The following USPL1 variants were observed in gnomAD, a reference collection of about 807,000 sequenced individuals.
USPL1 encodes the protein ubiquitin specific peptidase like 1.
In USPL1, 27 loss-of-function variants were observed where a neutral mutation model predicts 51.5. The observed-to-expected ratio is 0.52, with a 90% confidence interval of 0.39 to 0.72. The LOEUF (loss-of-function observed/expected upper bound fraction) is 0.72. Ranked by LOEUF, USPL1 falls within the 30% of genes least tolerant of loss-of-function variation. USPL1 has a pLI of 0.00. For synonymous variants in USPL1, 451 were observed against 459.6 expected (o/e 0.98, Z 0.24); for missense variants, 1,226 against 1,268.0 (o/e 0.97, Z 0.50).
chr13:30,656,848 T>A (rs879194626), intron 8 of USPL1, among the ~76,000 whole-genome samples: 7 of 152,086 alleles, frequency 4.6e-5, no homozygotes, highest in Admixed American at 1.3e-4. Flanking sequence ...TATTTTTTTT[T>A]AATAATATCC....
At chr13:30,649,312 T>C (rs900971945) in intron 7 of USPL1, among the ~76,000 whole-genome samples, 2 of 152,248 alleles carry the variant, frequency 1.3e-5, no homozygotes, top group Non-Finnish European at 2.9e-5. Context: ...TTTGTATAAC[T>C]TGATTTGTTT....
At chr13:30,656,234 A>T (rs1951161970) in intron 8 of USPL1, among the ~76,000 whole-genome samples, 1 of 152,244 alleles carries the variant, frequency 6.6e-6, no homozygotes, top group Admixed American at 6.5e-5. Flanking sequence ...TATAAATAAC[A>T]TAAAATTTAC....
Position 30,658,584 on chromosome 13 carries a change from A to G in USPL1, c.2507A>G (p.Asn836Ser), listed in dbSNP as rs1951205065. Residue 836 changes from asparagine to serine, a missense_variant, in exon 9 of 9, where the codon AAT becomes AGT. Coordinates refer to ENST00000255304, the MANE Select transcript of USPL1 (RefSeq NM_005800.5). ...CCACCAGCAGGCCCTCCATCGTCTA[A>G]TGGCACAGCTGCCCACCCACATGCT... ...SKPPAGPPSS[N>S]GTAAHPHAHA... is the part of the protein sequence containing the mutation. 6.2e-7 allele frequency: 1 copy of G among 1,614,206 alleles called. No homozygotes were observed.
chr13:30,640,089 G>T (rs4769043), intron 5 of USPL1, among the ~76,000 whole-genome samples: 62,621 of 152,002 alleles, frequency 0.41, 13,316 homozygotes, highest in Middle Eastern at 0.64. Context: ...TATTTTAGCT[G>T]AAGATCTTAC....
At chr13:30,641,965 G>A (rs1269841594) in intron 5 of USPL1, among the ~76,000 whole-genome samples, 5 of 151,500 alleles carry the variant, frequency 3.3e-5, no homozygotes, top group African/African-American at 1.2e-4. Context: ...GGTATGCAGC[G>A]GCATGATCAT....
At chr13:30,623,610 C>T (rs189848928) in intron 3 of USPL1, among the ~76,000 whole-genome samples, 1 of 150,668 alleles carries the variant, frequency 6.6e-6, no homozygotes, top group Admixed American at 6.6e-5. Flanking sequence ...TCAGAATGAG[C>T]CTGTTTGCTA....
intron 3 of USPL1, 82 bp downstream of exon 3, chr13:30,621,974 CAT>C: frequency 3.7e-6 from 4 of 1,093,052 alleles, no homozygotes; most frequent in Non-Finnish European, 4.7e-6. Flanking sequence ...AAAGTTTACT[CAT>C]TTTTTGTTTT....
At chr13:30,651,883 G>T (rs1314318236) in intron 7 of USPL1, among the ~76,000 whole-genome samples, 2 of 152,130 alleles carry the variant, frequency 1.3e-5, no homozygotes, top group Admixed American at 1.3e-4. Flanking sequence ...TTGAGCCCAG[G>T]AGGCGGAGAT....
chr13:30,633,507 AC>A (rs1345166136), intron 4 of USPL1, among the ~76,000 whole-genome samples: 5 of 152,158 alleles, frequency 3.3e-5, no homozygotes, highest in African/African-American at 1.2e-4. Context: ...GCAGTGGCTC[AC>A]ATCTGTAATC....
At position 30,653,388 on chromosome 13, in the gene USPL1, A is replaced by G. The variant is rs1951117211; in HGVS notation, c.1396+83A>G. On this transcript the variant is annotated intron_variant, in intron 8 of 8. Coordinates refer to ENST00000255304, the MANE Select transcript of USPL1 (RefSeq NM_005800.5). Reference sequence around the variant, plus strand: ...GTGGGGACTTTTTGGTTTTTGTTTTATAAAAAAAGACAAACTTTGTCCTGA... The same window carrying G: ...GTGGGGACTTTTTGGTTTTTGTTTTGTAAAAAAAGACAAACTTTGTCCTGA... 5 of 1,374,446 alleles carry G rather than the reference A, an allele frequency of 3.6e-6. No individual in the cohort carries two copies. The African/African-American group carries it at 7.3e-5, about 20-fold the overall frequency. The allele number at this position is 1,374,446 out of a possible 1,614,324, so 85.1% of individuals were successfully genotyped here.
chr13:30,655,129 G>T (rs1472490327), intron 8 of USPL1, among the ~76,000 whole-genome samples: 1 of 152,008 alleles, frequency 6.6e-6, no homozygotes, highest in African/African-American at 2.4e-5. Flanking sequence ...TAGAGACAGG[G>T]TTTCTCCATG....
Position 30,631,349 on chromosome 13 carries a change from C to T in USPL1, c.743C>T (p.Ser248Leu), listed in dbSNP as rs372848442. The T allele has an allele frequency of 3.3e-5, 53 of 1,614,002 alleles. No individual in the cohort carries two copies. The highest frequency in any genetic ancestry group is 3.1e-4 in the African/African-American group (23 of 74,890). ...TGTATCCTGTCAGCTTTGGTGCACT[C>T]GGAAGAGTTAAAGAACACCGTGACT... is the stretch of plus-strand genomic sequence containing the variant. The part of the protein sequence containing the change: ...LDCILSALVH[S>L]EELKNTVTGL... Residue 248 changes from serine to leucine, a missense_variant, in exon 4 of 9, where the codon TCG (serine) becomes TTG (leucine). Ser to Leu is a moderately radical substitution (Grantham distance 145). Transcript: ENST00000255304.
intron 4 of USPL1, among the ~76,000 whole-genome samples, chr13:30,633,802 AAAAAAAGTAAAGT>A: frequency 6.6e-6 from 1 of 151,656 alleles, no homozygotes; most frequent in African/African-American, 2.4e-5. Flanking sequence ...AAAAAAAAAA[AAAAAAAGTAAAGT>A]AAATGTGGCT....
chr13:30,635,795 T>C (rs1439452445), intron 4 of USPL1, among the ~76,000 whole-genome samples: 1 of 152,228 alleles, frequency 6.6e-6, no homozygotes, highest in Non-Finnish European at 1.5e-5. Context: ...TAGTTTTTGC[T>C]GTTGTGAATT....
chr13:30,659,081 CAT>C lies in USPL1; in HGVS notation c.3007_3008del (p.Ile1003ProfsTer7). ...TAGGTATTTGGGAATGGGAGATAGT[CAT>C]ATCCCACCACCAGTACCAAGTGAAT... ...DFRYLGMGDS[H>X]IPPPVPSEFN... On this transcript the variant is annotated frameshift_variant, in exon 9 of 9. Transcript: ENST00000255304. LOFTEE classifies it low-confidence loss of function (END_TRUNC). The C allele has an allele frequency of 6.2e-7, 1 of 1,614,136 alleles. No homozygotes were observed. Among genetic ancestry groups the C allele is most frequent in the Non-Finnish European group, 8.5e-7 (1 of 1,180,034 alleles).
intron 8 of USPL1, among the ~76,000 whole-genome samples, chr13:30,653,827 G>A (rs1406866230): frequency 6.6e-6 from 1 of 152,110 alleles, no homozygotes; most frequent in African/African-American, 2.4e-5. Context: ...GTAAAATATT[G>A]AGTTTGTTTT....
intron 7 of USPL1, among the ~76,000 whole-genome samples, chr13:30,650,610 T>A (rs749926526): frequency 4.6e-5 from 7 of 151,894 alleles, no homozygotes; most frequent in Non-Finnish European, 8.8e-5. Context: ...TGCTGCTTAT[T>A]TAACTGTGTT....
Position 30,658,458 on chromosome 13 carries a change from A to G in USPL1, c.2381A>G (p.Asn794Ser), listed in dbSNP as rs377216246. Residue 794 changes from asparagine (N) to serine (S), a missense_variant, in exon 9 of 9, where the codon AAT becomes AGT. By Grantham distance (46) the Asn-to-Ser change is conservative. Transcript: ENST00000255304. ...TDLQPSVKGV[N>S]NFGGFKTKGI... ...TTACAACCTTCAGTTAAAGGGGTAAATAATTTTGGTGGCTTTAAAACTAAA... is the reference window on the plus strand; with the variant it reads ...TTACAACCTTCAGTTAAAGGGGTAAGTAATTTTGGTGGCTTTAAAACTAAA... 1 of 1,613,688 alleles carries G rather than the reference A, an allele frequency of 6.2e-7. No individual in the cohort carries two copies. Among genetic ancestry groups the G allele is most frequent in the Non-Finnish European group, 8.5e-7 (1 of 1,180,048 alleles).
At chr13:30,624,434 G>A (rs1469507924) in intron 3 of USPL1, among the ~76,000 whole-genome samples, 2 of 152,086 alleles carry the variant, frequency 1.3e-5, no homozygotes, top group Middle Eastern at 3.2e-3. Flanking sequence ...ATGCAACATA[G>A]TGTGGCCTTG....
Sources: allele counts gnomAD v4.1 joint callset (sites outside exome capture counted in the v4.1 genomes callset), GRCh38; gene constraint gnomAD v4.1.1; transcripts MANE v1.5; gene names NCBI Gene and HGNC (gene_info 2026-07-23, HGNC 2026-07-21).